DLGAP2: variants seen among roughly 807,000 people sequenced by gnomAD.
DLGAP2 encodes the protein disks large-associated protein 2.
DLGAP2 carries 26 observed loss-of-function variants against 100.3 expected under a neutral mutation model. That is an observed-to-expected ratio of 0.26 (90% CI 0.19 to 0.36). The LOEUF is 0.36. Ranked by LOEUF, DLGAP2 falls within the 10% of genes least tolerant of loss-of-function variation. The pLI is 1.00. For synonymous variants in DLGAP2, 886 were observed against 630.1 expected, an observed-to-expected ratio of 1.41 and a Z score of -6.08; for missense variants, 1,858 against 1,453.2, an observed-to-expected ratio of 1.28 and a Z score of -4.53.
At chr8:1,099,990 A>C (rs1242874585) in intron 2 of DLGAP2, among the ~76,000 whole-genome samples, 1 of 152,222 alleles carries the variant, frequency 6.6e-6, no homozygotes, top group Non-Finnish European at 1.5e-5. Context: ...GAAAATATTA[A>C]ATGGAAAATT....
At chr8:1,182,935 G>C (rs1316395093) in intron 2 of DLGAP2, among the ~76,000 whole-genome samples, 1 of 152,154 alleles carries the variant, frequency 6.6e-6, no homozygotes, top group African/African-American at 2.4e-5. Context: ...GCGGTGGCAT[G>C]GGTGGGAGAC....
At chr8:947,399 G>T (rs1336178349) in intron 2 of DLGAP2, among the ~76,000 whole-genome samples, 1 of 152,246 alleles carries the variant, frequency 6.6e-6, no homozygotes, top group East Asian at 1.9e-4. Flanking sequence ...GGATTTTCAT[G>T]TTGCGCTGGC....
chr8:1,216,681 C>T (rs1166624929), intron 2 of DLGAP2, among the ~76,000 whole-genome samples: 1 of 151,930 alleles, frequency 6.6e-6, no homozygotes, highest in Non-Finnish European at 1.5e-5. Flanking sequence ...TAGTTTTTGC[C>T]TTAAACTGCA....
At chr8:883,716 G>A (rs1447180470) in intron 1 of DLGAP2, among the ~76,000 whole-genome samples, 1 of 151,996 alleles carries the variant, frequency 6.6e-6, no homozygotes, top group Non-Finnish European at 1.5e-5. Context: ...TGCCGCGGCC[G>A]TTCGTTACGT....
At chr8:782,205 A>G (rs1821709121) in intron 1 of DLGAP2, among the ~76,000 whole-genome samples, 1 of 151,640 alleles carries the variant, frequency 6.6e-6, no homozygotes, top group Admixed American at 6.6e-5. Flanking sequence ...GTTTCAATAA[A>G]AAGGTATAAA....
intron 2 of DLGAP2, among the ~76,000 whole-genome samples, chr8:1,168,751 G>A (rs62488960): frequency 0.2 from 27,083 of 138,310 alleles, 3,203 homozygotes; most frequent in Middle Eastern, 0.35. Context: ...TCGTAAATTT[G>A]TTTGAGTTCA....
intron 3 of DLGAP2, among the ~76,000 whole-genome samples, chr8:1,290,259 C>T (rs940494682): frequency 4.6e-5 from 7 of 152,188 alleles, no homozygotes; most frequent in Non-Finnish European, 7.3e-5. Context: ...GAATCACGTC[C>T]GTCGCGCTCC....
At chr8:1,219,080 A>G (rs944920166) in intron 2 of DLGAP2, among the ~76,000 whole-genome samples, 1 of 152,146 alleles carries the variant, frequency 6.6e-6, no homozygotes, top group Non-Finnish European at 1.5e-5. Context: ...AGGTAGTTTG[A>G]CTTCTTCTCT....
intron 2 of DLGAP2, among the ~76,000 whole-genome samples, chr8:1,232,845 G>A (rs1377631317): frequency 3.9e-5 from 6 of 152,184 alleles, no homozygotes; most frequent in African/African-American, 1.2e-4. Flanking sequence ...CGAGCCAGTG[G>A]CTTTTAGTGT....
chr8:1,187,059 A>G (rs914136864), intron 2 of DLGAP2, among the ~76,000 whole-genome samples: 6 of 151,396 alleles, frequency 4.0e-5, no homozygotes, highest in African/African-American at 1.4e-4. Context: ...AATCCCATGG[A>G]AGGGCTGTTC....
intron 1 of DLGAP2, among the ~76,000 whole-genome samples, chr8:812,371 G>A (rs977379337): frequency 2.6e-5 from 4 of 152,166 alleles, no homozygotes; most frequent in African/African-American, 4.8e-5. Context: ...TGGTGTCTGC[G>A]GGAAGTCCCT....
rs373446853 is a variant in DLGAP2, at chr8:1,686,540, C to T, written c.2705-4995C>T. ...AAAGTTAGCCAGGCATGGTGGCGCA[C>T]GCCTGTAATCCCAATCCCAGCTACT... On this transcript the variant is annotated intron_variant, in intron 12 of 14. Coordinates refer to ENST00000637795, the MANE Select transcript of DLGAP2 (RefSeq NM_001346810.2). Among the ~76,000 whole-genome samples, 14 of 152,148 alleles carry T rather than the reference C, an allele frequency of 9.2e-5. No homozygotes were observed. In the South Asian group the frequency reaches 1.9e-3, roughly 20 times the overall value.
chr8:814,019 C>A (rs1032825840), intron 1 of DLGAP2, among the ~76,000 whole-genome samples: 1 of 152,022 alleles, frequency 6.6e-6, no homozygotes, highest in Non-Finnish European at 1.5e-5. Flanking sequence ...TGGTGACCTC[C>A]TATTAAAATA....
At chr8:1,323,467 C>A (rs1284271018) in intron 3 of DLGAP2, among the ~76,000 whole-genome samples, 1 of 152,214 alleles carries the variant, frequency 6.6e-6, no homozygotes, top group Non-Finnish European at 1.5e-5. Context: ...CAAGGGAGCT[C>A]TTCCTCCCAC....
At chr8:1,485,380 C>T (rs1362257680) in intron 3 of DLGAP2, among the ~76,000 whole-genome samples, 4 of 152,244 alleles carry the variant, frequency 2.6e-5, no homozygotes, top group South Asian at 2.1e-4. Flanking sequence ...TTTTTAAGAG[C>T]GTTCATGCAG....
intron 2 of DLGAP2, among the ~76,000 whole-genome samples, chr8:935,346 C>T (rs189504315): frequency 1.3e-5 from 2 of 152,348 alleles, no homozygotes; most frequent in Non-Finnish European, 2.9e-5. Flanking sequence ...TGCCCGGCTC[C>T]TCAGTCCAGA....
intron 4 of DLGAP2, among the ~76,000 whole-genome samples, chr8:1,513,312 A>G (rs1222156876): frequency 7.5e-4 from 51 of 67,838 alleles, no homozygotes; most frequent in African/African-American, 1.2e-3. Context: ...TCCCAGTGCA[A>G]GGGAGGACGG....
rs1798644208 is a variant in DLGAP2 at position 1,669,798 on chromosome 8, T to C, written c.2202+14T>C. 1.3e-6 allele frequency: 1 copy of C among 780,910 alleles called. No homozygotes were observed. Among genetic ancestry groups the C allele is most frequent in the Non-Finnish European group, 2.4e-6 (1 of 417,980 alleles). The allele number at this position is 780,910 out of a possible 1,614,324, so 48.4% of individuals were successfully genotyped here. On this transcript the variant is annotated intron_variant, in intron 10 of 14. Coordinates refer to ENST00000637795, the MANE Select transcript of DLGAP2 (RefSeq NM_001346810.2). ...CCAAGGTCAGATGTAAGTACCGAAA[T>C]GTGCTCCAAAGCCGCGTCCGCATGA...
intron 2 of DLGAP2, among the ~76,000 whole-genome samples, chr8:1,128,050 A>G (rs745406675): frequency 6.6e-6 from 1 of 152,248 alleles, no homozygotes; most frequent in Non-Finnish European, 1.5e-5. Flanking sequence ...CCCACATTTC[A>G]ATACGGTTGT....
Sources: gnomAD v4.1 joint callset for allele counts (sites outside exome capture counted in the v4.1 genomes callset) on GRCh38, gnomAD v4.1.1 for gene constraint, MANE v1.5 for transcripts, NCBI Gene and HGNC (gene_info 2026-07-23, HGNC 2026-07-21) for gene names.